Variants in MGAT4C observed in about 807,000 individuals in gnomAD.
MGAT4C encodes MGAT4 family member C.
Under a neutral mutation model 40.1 loss-of-function variants are expected in MGAT4C, and 19 were observed. The observed-to-expected ratio is 0.47, with a 90% CI of 0.33 to 0.70. The LOEUF is 0.70. Among genes scored for constraint, MGAT4C ranks in the 30% least tolerant of loss-of-function variants. MGAT4C has a pLI of 0.02. For missense variants in MGAT4C, 491 were observed against 563.2 expected (o/e 0.87, Z 1.30); for synonymous variants, 181 against 187.1 (o/e 0.97, Z 0.27).
At chr12:86,003,793 C>A (rs1370287835) in intron 2 of MGAT4C, among the ~76,000 whole-genome samples, 1 of 150,594 alleles carries the variant, frequency 6.6e-6, no homozygotes, top group Non-Finnish European at 1.5e-5. Context: ...AAGCTCAATG[C>A]TTTATTAATG....
intron 1 of MGAT4C, among the ~76,000 whole-genome samples, chr12:86,246,543 A>G (rs1021324005): frequency 2.1e-4 from 32 of 152,164 alleles, no homozygotes; most frequent in African/African-American, 6.8e-4. Context: ...TTTTGGATAT[A>G]TTGCTATCTT....
intron 4 of MGAT4C, among the ~76,000 whole-genome samples, chr12:86,274,556 T>A (rs1284274029): frequency 6.6e-6 from 1 of 151,954 alleles, no homozygotes; most frequent in Non-Finnish European, 1.5e-5. Context: ...GGCTACCGAG[T>A]TTTTGCACCA....
At chr12:86,317,374 T>C (rs1003317065) in intron 4 of MGAT4C, among the ~76,000 whole-genome samples, 3 of 152,062 alleles carry the variant, frequency 2.0e-5, no homozygotes, top group African/African-American at 7.2e-5. Context: ...GTATTAAAAA[T>C]AGGGATATAC....
intron 1 of MGAT4C, among the ~76,000 whole-genome samples, chr12:86,083,209 C>T (rs950072851): frequency 2.0e-5 from 3 of 152,066 alleles, no homozygotes; most frequent in African/African-American, 4.8e-5. Flanking sequence ...ATCATCTCCT[C>T]TTCATTCATA....
rs146853559 is a variant in MGAT4C, at chr12:86,525,925, C to T, written c.-228-90660G>A. Among the ~76,000 whole-genome samples the T allele has an allele frequency of 7.2e-5, 11 of 152,334 alleles. 1 individual carries two copies. The highest frequency in any genetic ancestry group is 1.9e-4 in the East Asian group (1 of 5,182). On this transcript the variant is annotated intron_variant, in intron 2 of 7. Coordinates refer to the MGAT4C transcript ENST00000548651. Reference sequence around the variant, plus strand: ...AGTGACAGTGGGATCCGTCCTCATTCGCATGTGCCAGCAGCAGTGGCAATG... The same window carrying T: ...AGTGACAGTGGGATCCGTCCTCATTTGCATGTGCCAGCAGCAGTGGCAATG...
At chr12:86,011,725 A>G (rs1592681915) in intron 2 of MGAT4C, 1 of 520,188 alleles carries the variant, frequency 1.9e-6, no homozygotes, top group East Asian at 1.5e-4. Flanking sequence ...TAAAAAAAGT[A>G]TGTTAATATA....
intron 4 of MGAT4C, among the ~76,000 whole-genome samples, chr12:86,333,390 T>C (rs1396955394): frequency 6.6e-6 from 1 of 152,220 alleles, no homozygotes; most frequent in Non-Finnish European, 1.5e-5. Flanking sequence ...TTACGTCCTC[T>C]CTAACTTTCA....
chr12:86,292,190 G>A (rs1027740879), intron 4 of MGAT4C, among the ~76,000 whole-genome samples: 5 of 152,086 alleles, frequency 3.3e-5, no homozygotes, highest in Non-Finnish European at 7.4e-5. Context: ...GGTGGTGGTG[G>A]TGGTACAGCA....
intron 2 of MGAT4C, among the ~76,000 whole-genome samples, chr12:86,666,829 T>C (rs182310780): frequency 2.0e-4 from 30 of 152,320 alleles, no homozygotes; most frequent in African/African-American, 7.0e-4. Flanking sequence ...GAAACTGATA[T>C]TTGGTAAACA....
At chr12:86,106,422 C>A (rs1268819440) in intron 1 of MGAT4C, among the ~76,000 whole-genome samples, 2 of 151,982 alleles carry the variant, frequency 1.3e-5, no homozygotes, top group Admixed American at 6.6e-5. Context: ...TACATCAGCC[C>A]CTCTAGTCGC....
intron 2 of MGAT4C, among the ~76,000 whole-genome samples, chr12:86,610,927 A>G (rs1962233627): frequency 6.6e-6 from 1 of 152,088 alleles, no homozygotes; most frequent in Admixed American, 6.6e-5. Context: ...GGCTATAAGA[A>G]AACCTTGGAA....
chr12:86,748,603 A>T (rs1951187756), intron 1 of MGAT4C, among the ~76,000 whole-genome samples: 1 of 151,664 alleles, frequency 6.6e-6, no homozygotes, highest in African/African-American at 2.4e-5. Context: ...AAATCAGAGT[A>T]GGAGAATGAG....
At chr12:86,547,012 C>G (rs925267420) in intron 2 of MGAT4C, among the ~76,000 whole-genome samples, 7 of 151,814 alleles carry the variant, frequency 4.6e-5, no homozygotes, top group African/African-American at 1.4e-4. Flanking sequence ...TATGGCAACA[C>G]AGATATATTA....
intron 2 of MGAT4C, among the ~76,000 whole-genome samples, chr12:86,629,434 A>G (rs958244561): frequency 6.6e-6 from 1 of 152,140 alleles, no homozygotes; most frequent in Non-Finnish European, 1.5e-5. Flanking sequence ...GTCCACCCCA[A>G]ATCAAGAGAG....
At chr12:86,609,976 T>G (rs1051979262) in intron 2 of MGAT4C, among the ~76,000 whole-genome samples, 3 of 152,186 alleles carry the variant, frequency 2.0e-5, no homozygotes, top group African/African-American at 7.2e-5. Context: ...TTGTCAAGAC[T>G]TATTATTCTC....
intron 1 of MGAT4C, among the ~76,000 whole-genome samples, chr12:86,113,116 C>A (rs992829026): frequency 4.0e-5 from 6 of 151,670 alleles, no homozygotes; most frequent in Non-Finnish European, 8.9e-5. Flanking sequence ...AAAAATATAA[C>A]CTTGATTAAC....
intron 1 of MGAT4C, among the ~76,000 whole-genome samples, chr12:86,755,227 A>G (rs920967930): frequency 2.0e-5 from 3 of 152,182 alleles, no homozygotes; most frequent in Non-Finnish European, 2.9e-5. Flanking sequence ...AATCTATAAC[A>G]TCATTCCTGC....
At chr12:86,772,599 C>A (rs763336074) in intron 1 of MGAT4C, among the ~76,000 whole-genome samples, 35 of 147,828 alleles carry the variant, frequency 2.4e-4, no homozygotes, top group Non-Finnish European at 4.8e-4. Flanking sequence ...AGGCTGCCAC[C>A]CTGAGGGGGC....
chr12:86,441,522 G>A (rs997192003), intron 2 of MGAT4C, among the ~76,000 whole-genome samples: 12 of 110,462 alleles, frequency 1.1e-4, no homozygotes, highest in African/African-American at 3.3e-4. Context: ...AACAGGCCTC[G>A]GTGTGTGATA....
Sources: allele counts gnomAD v4.1 joint callset (sites outside exome capture counted in the v4.1 genomes callset), GRCh38; gene constraint gnomAD v4.1.1; transcripts MANE v1.5; gene names NCBI Gene and HGNC (gene_info 2026-07-23, HGNC 2026-07-21).